Variants in CTNND1 observed in about 807,000 individuals in gnomAD.
CTNND1 encodes catenin delta-1.
In CTNND1, 16 loss-of-function variants were observed where a neutral mutation model predicts 112.1. The observed-to-expected ratio is 0.14, with a 90% CI of 0.10 to 0.22. The LOEUF is 0.22. Ranked by LOEUF, CTNND1 falls within the 10% of genes least tolerant of loss-of-function variation. The pLI is 1.00. For missense variants in CTNND1, 1,008 were observed against 1,257.0 expected, an observed-to-expected ratio of 0.80 and a Z score of 3.00; for synonymous variants, 420 against 446.5, an observed-to-expected ratio of 0.94 and a Z score of 0.75.
chr11:57,768,554 T>C (rs916855334), intron 1 of CTNND1, among the ~76,000 whole-genome samples: 3 of 151,360 alleles, frequency 2.0e-5, no homozygotes, highest in East Asian at 1.9e-4. Context: ...CCACCACGCC[T>C]GGCTAATTTT....
rs1591471215 is a variant in CTNND1, at chr11:57,794,072, C to T, written c.258C>T (p.Asn86=). 5.0e-6 allele frequency: 8 copies of T among 1,613,780 alleles called. No homozygotes were observed. The highest frequency in any genetic ancestry group is 6.8e-6 in the Non-Finnish European group (8 of 1,179,820). ...ERQKFSDLKL[N]GPQDHSHLLY... Reference sequence around the variant, plus strand: ...AGAAATTTTCAGATTTGAAACTCAACGGACCCCAGGTAATTCTTTGGCTCA... The same window carrying T: ...AGAAATTTTCAGATTTGAAACTCAATGGACCCCAGGTAATTCTTTGGCTCA... The change falls in exon 4 of 21, where the codon AAC becomes AAT. Residue 86 remains asparagine, a synonymous_variant. Transcript: ENST00000399050.
At chr11:57,772,826 CCTCT>C (rs1241074834) in intron 1 of CTNND1, among the ~76,000 whole-genome samples, 3 of 151,306 alleles carry the variant, frequency 2.0e-5, no homozygotes, top group Non-Finnish European at 4.4e-5. Flanking sequence ...CGCTCTGTCT[CCTCT>C]CTCTCTCTCC....
chr11:57,805,634 G>T (rs1310136032), intron 9 of CTNND1, among the ~76,000 whole-genome samples: 1 of 152,054 alleles, frequency 6.6e-6, no homozygotes, highest in Admixed American at 6.6e-5. Context: ...TAGTAAGAAT[G>T]ATGATCCAAT....
In CTNND1 at chr11:57,801,915, A is replaced by T; in HGVS notation, c.1139A>T (p.Asp380Val). 6.2e-7 allele frequency: 1 copy of T among 1,614,024 alleles called. No individual in the cohort carries two copies. Among genetic ancestry groups the T allele is most frequent in the Non-Finnish European group, 8.5e-7 (1 of 1,179,900 alleles). Residue 380 changes from aspartate to valine, a missense_variant, in exon 7 of 21, where the codon GAT (aspartate) becomes GTT (valine). By Grantham distance (152) the Asp-to-Val change is radical (BLOSUM62 -3). Transcript: ENST00000399050. Reference protein sequence around the residue: ...EVIAMLGFRLDAVKSNAAAYL... With the variant: ...EVIAMLGFRLVAVKSNAAAYL... ...ATCGCCATGCTTGGATTCCGCTTGG[A>T]TGCTGTCAAGTCCAATGCAGCTGCA...
At chr11:57,814,466 A>T in intron 18 of CTNND1, 93 bp downstream of exon 18, 3 of 846,744 alleles carry the variant, frequency 3.5e-6, no homozygotes, top group Non-Finnish European at 3.8e-6. Context: ...TAATACCCTT[A>T]CCATTTACCA....
intron 6 of CTNND1, 106 bp downstream of exon 6, chr11:57,797,098 C>A: frequency 1.0e-6 from 1 of 964,458 alleles, no homozygotes; most frequent in Non-Finnish European, 1.4e-6. Flanking sequence ...ATACTCGTGG[C>A]CTCCTCCCCT....
At chr11:57,815,807 A>T in intron 19 of CTNND1, 108 bp from the exon 20 acceptor site, 8 of 932,334 alleles carry the variant, frequency 8.6e-6, no homozygotes, top group Admixed American at 2.3e-5. Context: ...TCTTACTATT[A>T]TATCTTGTTT....
intron 12 of CTNND1, 125 bp from the exon 13 acceptor site, chr11:57,808,040 G>T: frequency 9.8e-7 from 1 of 1,019,666 alleles, no homozygotes. Flanking sequence ...AGAGAGTTTA[G>T]GGAACCTGAT....
intron 3 of CTNND1, among the ~76,000 whole-genome samples, chr11:57,792,956 TC>T (rs1488174685): frequency 3.3e-5 from 5 of 152,094 alleles, no homozygotes; most frequent in African/African-American, 1.2e-4. Flanking sequence ...CTTGCAGTGT[TC>T]CTAGGATTTT....
intron 12 of CTNND1, 58 bp from the exon 13 acceptor site, chr11:57,808,107 A>C: frequency 4.5e-6 from 7 of 1,553,024 alleles, no homozygotes; most frequent in Non-Finnish European, 6.1e-6. Flanking sequence ...CCAGCCAGCT[A>C]GAGCCTGGTT....
chr11:57,809,490 A>T (rs1430195652), intron 15 of CTNND1, 24 bp downstream of exon 15: 2 of 1,582,294 alleles, frequency 1.3e-6, no homozygotes, highest in African/African-American at 2.7e-5. Context: ...CTAAAATTAC[A>T]GTCAAAAGAA....
chr11:57,784,660 T>A (rs1398139557), intron 1 of CTNND1, among the ~76,000 whole-genome samples: 5 of 152,062 alleles, frequency 3.3e-5, no homozygotes, highest in Admixed American at 2.0e-4. Context: ...TGTGCCAACA[T>A]GCCCGGCTAA....
intron 1 of CTNND1, among the ~76,000 whole-genome samples, chr11:57,776,318 G>A (rs1036858773): frequency 2.6e-5 from 4 of 152,184 alleles, no homozygotes; most frequent in African/African-American, 9.7e-5. Flanking sequence ...AGAGTGTTTG[G>A]GGGTGGGGGT....
In CTNND1 at chr11:57,791,578, C is replaced by T. The variant is rs767264268; in HGVS notation, c.100C>T (p.Arg34Trp). ...GCTGACCCGGGCGCTGGAGGAGGAA[C>T]GGCGCCACGTCTCGGCGCAGCTGGA... ...EKLTRALEEE[R>W]RHVSAQLERV... Residue 34 changes from arginine (R) to tryptophan (W), a missense_variant, in exon 3 of 21, where the codon CGG becomes TGG. Transcript: ENST00000399050. The T allele has an allele frequency of 1.9e-6, 3 of 1,611,526 alleles. No individual in the cohort carries two copies. Among genetic ancestry groups the T allele is most frequent in the Non-Finnish European group, 1.7e-6 (2 of 1,178,952 alleles).
In CTNND1 at chr11:57,789,126, A is replaced by C; in HGVS notation, c.-124A>C. The C allele has an allele frequency of 6.5e-7, 1 of 1,535,140 alleles. No individual in the cohort carries two copies. Among genetic ancestry groups the C allele is most frequent in the Non-Finnish European group, 8.7e-7 (1 of 1,146,652 alleles). ...CTAGACTGGGCTGTTCTCTGTGTTA[A>C]ACCAATCAGTTGCGACCTTCTCTTA... On this transcript the variant is annotated 5_prime_UTR_variant, in exon 2 of 21. Transcript: ENST00000399050.
In CTNND1 at chr11:57,808,197, C is replaced by T. The variant is rs747132876; in HGVS notation, c.1996C>T (p.Arg666Trp). 33 of 1,613,374 alleles carry T rather than the reference C, an allele frequency of 2.0e-5. No homozygotes were observed. Among genetic ancestry groups the T allele is most frequent in the Middle Eastern group, 1.7e-4 (1 of 6,052 alleles). ...GCTCTTATTTCAGCCAGAGGTGGTT[C>T]GGATATACATCTCACTTCTTAAGGA... is the stretch of plus-strand genomic sequence containing the variant. The part of the protein sequence containing the change: ...YELLFQPEVV[R>W]IYISLLKESK... Residue 666 changes from arginine (R) to tryptophan (W), a missense_variant, in exon 13 of 21, where the codon CGG (arginine) becomes TGG (tryptophan). Physicochemically the swap from Arg to Trp is moderately radical, Grantham distance 101. Transcript: ENST00000399050.
intron 10 of CTNND1, 21 bp downstream of exon 10, chr11:57,806,056 C>A: frequency 6.2e-7 from 1 of 1,600,614 alleles, no homozygotes; most frequent in South Asian, 1.1e-5. Context: ...GTTCCTGTTT[C>A]TTAGTCTTTA....
At chr11:57,797,478 G>A (rs892092162) in intron 6 of CTNND1, among the ~76,000 whole-genome samples, 2 of 143,714 alleles carry the variant, frequency 1.4e-5, no homozygotes, top group Admixed American at 1.4e-4. Context: ...TGATCCACCC[G>A]CCTTGGCCTC....
At chr11:57,795,799 A>T (rs2061296350) in intron 5 of CTNND1, 70 bp downstream of exon 5, 1 of 1,428,416 alleles carries the variant, frequency 7.0e-7, no homozygotes, top group Non-Finnish European at 9.2e-7. Context: ...GGAGGGGTTA[A>T]GCACTTAATT....
Sources: gnomAD v4.1 joint callset for allele counts (sites outside exome capture counted in the v4.1 genomes callset) on GRCh38, gnomAD v4.1.1 for gene constraint, MANE v1.5 for transcripts, NCBI Gene and HGNC (gene_info 2026-07-23, HGNC 2026-07-21) for gene names.